CLSPN: variants seen among roughly 807,000 people sequenced by gnomAD.
CLSPN encodes the protein claspin.
Under a neutral mutation model 156.3 loss-of-function variants are expected in CLSPN, and 85 were observed. That is an observed-to-expected ratio of 0.54 (90% CI 0.46 to 0.65). The LOEUF is 0.65. Ranked by LOEUF, CLSPN falls within the 30% of genes least tolerant of loss-of-function variation. The pLI, the probability that CLSPN is intolerant of heterozygous loss-of-function variation, is 0.00. For missense variants in CLSPN, 1,407 were observed against 1,554.9 expected, an observed-to-expected ratio of 0.90 and a Z score of 1.60; for synonymous variants, 534 against 542.4, an observed-to-expected ratio of 0.98 and a Z score of 0.22.
At chr1:35,769,078 T>C (rs1222851937) in intron 1 of CLSPN, among the ~76,000 whole-genome samples, 2 of 152,286 alleles carry the variant, frequency 1.3e-5, no homozygotes, top group Non-Finnish European at 2.9e-5. Flanking sequence ...GATCTCGTCT[T>C]TGTTTAAACG....
At position 35,735,004 on chromosome 1, in the gene CLSPN, G is replaced by T; in HGVS notation, c.*1492C>A. 1 of 985,354 alleles carries T rather than the reference G, an allele frequency of 1.0e-6. No individual in the cohort carries two copies. Among genetic ancestry groups the T allele is most frequent in the Non-Finnish European group, 1.2e-6 (1 of 829,872 alleles). The allele number at this position is 985,354 out of a possible 1,614,324, so 61.0% of individuals were successfully genotyped here. On this transcript the variant is annotated 3_prime_UTR_variant, in exon 25 of 25. Coordinates refer to ENST00000318121, the MANE Select transcript of CLSPN (RefSeq NM_022111.4). ...AATATTTTTATTAAATTCCATGGTGGCCTTCTCTCAAAATTAGTAATGAAA... is the reference window on the plus strand; with the variant it reads ...AATATTTTTATTAAATTCCATGGTGTCCTTCTCTCAAAATTAGTAATGAAA...
chr1:35,745,554 T>TGGA lies in CLSPN; in HGVS notation c.2860_2862dup (p.Ser954dup), dbSNP rs1321652177. 11 of 1,608,526 alleles carry TGGA rather than the reference T, an allele frequency of 6.8e-6. No individual in the cohort carries two copies. The highest frequency in any genetic ancestry group is 4.5e-5 in the East Asian group (2 of 44,842). On this transcript the variant is annotated inframe_insertion, in exon 16 of 25. Transcript: ENST00000318121. ...TTATTTAACTCTGATGAGGCTGGAGTGGAGGCATCTACATCACAACAAGGA... is the reference window on the plus strand; with the variant it reads ...TTATTTAACTCTGATGAGGCTGGAGTGGAGGAGGCATCTACATCACAACAAGGA...
At position 35,768,770 on chromosome 1, in the gene CLSPN, G is replaced by A. The variant is rs935082783; in HGVS notation, c.24+1077C>T. Among the ~76,000 whole-genome samples, 9 of 152,236 alleles carry A rather than the reference G, an allele frequency of 5.9e-5. No homozygotes were observed. In the Middle Eastern group the frequency reaches 0.01, roughly 173 times the overall value. On this transcript the variant is annotated intron_variant, in intron 1 of 24. Transcript: ENST00000318121. The stretch of plus-strand genomic sequence containing the variant: ...ACTATTACTTCTGTTTGTGAGTGTG[G>A]AAACCGAATTTAGGTAACCAGACAG...
chr1:35,746,728 G>T lies in CLSPN; in HGVS notation c.2854+38C>A. On this transcript the variant is annotated intron_variant, in intron 15 of 24. Coordinates refer to ENST00000318121, the MANE Select transcript of CLSPN (RefSeq NM_022111.4). The surrounding 1 kb of genome is among the most constrained non-coding windows in gnomAD (Gnocchi z 4.2). ...ATTCTTTTCAAGGGCACTGATACTT[G>T]GGTGTGGTAAGCTTGATACTCTCGG... The T allele has an allele frequency of 1.5e-6, 2 of 1,378,282 alleles. No homozygotes were observed. The highest frequency in any genetic ancestry group is 2.1e-6 in the Non-Finnish European group (2 of 965,770). 85.4% of individuals were successfully genotyped at this position (1,378,282 alleles called of 1,614,324 possible).
intron 2 of CLSPN, 36 bp downstream of exon 2, chr1:35,765,181 GC>G (rs1557525819): frequency 7.6e-7 from 1 of 1,321,886 alleles, no homozygotes; most frequent in Admixed American, 1.7e-5. Flanking sequence ...TGAGGCTCCC[GC>G]AACCTATTCC....
chr1:35,748,820 C>CTTT lies in CLSPN; in HGVS notation c.2273-219_2273-217dup, dbSNP rs201350754. 2,005 of 292,426 alleles carry CTTT rather than the reference C, an allele frequency of 6.9e-3. 2 individuals are homozygous for CTTT. The highest frequency in any genetic ancestry group is 0.011 in the Middle Eastern group (8 of 758). The allele number at this position is 292,426 out of a possible 1,614,324, so 18.1% of individuals were successfully genotyped here. On this transcript the variant is annotated intron_variant, in intron 12 of 24. Transcript: ENST00000318121. ...CTGAGCTAAGTGACACTTGAAAGTT[C>CTTT]TTTTTTTTTTTTTTTTTTTTTTTTT...
At chr1:35,743,348 T>C in intron 17 of CLSPN, 107 bp from the exon 18 acceptor site, 1 of 1,385,358 alleles carries the variant, frequency 7.2e-7, no homozygotes, top group South Asian at 1.2e-5. Context: ...AAATTGTTTC[T>C]GATAAGATGC....
chr1:35,720,693 A>T, exon 25 of CLSPN: 1 of 360,444 alleles, frequency 2.8e-6, no homozygotes, highest in South Asian at 4.3e-5. Context: ...TGATCCACCC[A>T]CCTCGGCCTC....
intron 1 of CLSPN, 128 bp downstream of exon 1, chr1:35,769,719 C>G (rs1642801159): frequency 1.2e-6 from 1 of 849,846 alleles, no homozygotes; most frequent in African/African-American, 1.8e-5. Context: ...GGAGCCGGCG[C>G]GGCGAACGCC....
intron 2 of CLSPN, 37 bp from the exon 3 acceptor site, chr1:35,764,751 T>C: frequency 7.3e-7 from 1 of 1,367,350 alleles, no homozygotes; most frequent in Non-Finnish European, 9.9e-7. Flanking sequence ...ATACCATCAT[T>C]TGATCTTCCT....
At chr1:35,765,140 A>T in intron 2 of CLSPN, 78 bp downstream of exon 2, 5 of 840,434 alleles carry the variant, frequency 5.9e-6, no homozygotes, top group Non-Finnish European at 9.8e-6. Context: ...AAATCAAGAG[A>T]ATAATGAAAT....
chr1:35,726,179 C>T (rs1022194576), intron 24 of CLSPN, among the ~76,000 whole-genome samples: 16 of 36,942 alleles, frequency 4.3e-4, no homozygotes, highest in Non-Finnish European at 2.6e-4. Context: ...AAAAAAAGCG[C>T]ATAGCAAAAC....
intron 1 of CLSPN, among the ~76,000 whole-genome samples, chr1:35,765,994 CTTTTT>C (rs549426437): frequency 9.4e-6 from 1 of 106,484 alleles, no homozygotes; most frequent in African/African-American, 3.7e-5. Flanking sequence ...CTCTCTCTCT[CTTTTT>C]TTTTTTTTTT....
rs1641446889 is a variant in CLSPN, at chr1:35,735,779, T to A, written c.*717A>T. ...TACGTATCTCATGGGTGTAAAGGAGTCATTATGGTACTGATTTTCACTGTT... is the reference window on the plus strand; with the variant it reads ...TACGTATCTCATGGGTGTAAAGGAGACATTATGGTACTGATTTTCACTGTT... On this transcript the variant is annotated 3_prime_UTR_variant, in exon 25 of 25. Transcript: ENST00000318121. 20 of 984,428 alleles carry A rather than the reference T, an allele frequency of 2.0e-5. No homozygotes were observed. Among genetic ancestry groups the A allele is most frequent in the Non-Finnish European group, 2.4e-5 (20 of 829,774 alleles). The allele number at this position is 984,428 out of a possible 1,614,324, so 61.0% of individuals were successfully genotyped here.
rs995654590 is a variant in CLSPN, at chr1:35,746,726, T to C, written c.2854+40A>G. Reference sequence around the variant, plus strand: ...GAATTCTTTTCAAGGGCACTGATACTTGGGTGTGGTAAGCTTGATACTCTC... The same window carrying C: ...GAATTCTTTTCAAGGGCACTGATACCTGGGTGTGGTAAGCTTGATACTCTC... On this transcript the variant is annotated intron_variant, in intron 15 of 24. Coordinates refer to ENST00000318121, the MANE Select transcript of CLSPN (RefSeq NM_022111.4). The surrounding 1 kb of genome is among the most constrained non-coding windows in gnomAD (Gnocchi z 4.2). The C allele has an allele frequency of 5.8e-6, 8 of 1,373,422 alleles. No individual in the cohort carries two copies. Among genetic ancestry groups the C allele is most frequent in the Non-Finnish European group, 7.3e-6 (7 of 961,518 alleles). 85.1% of individuals were successfully genotyped at this position (1,373,422 alleles called of 1,614,324 possible).
At chr1:35,755,859 T>C (rs1056933653) in intron 8 of CLSPN, among the ~76,000 whole-genome samples, 1 of 152,154 alleles carries the variant, frequency 6.6e-6, no homozygotes, top group Non-Finnish European at 1.5e-5. Flanking sequence ...CAGGTGCATG[T>C]CACCACATCT....
At position 35,762,061 on chromosome 1, in the gene CLSPN, C is replaced by A; in HGVS notation, c.832G>T (p.Ala278Ser). The change falls in exon 6 of 25, where the codon GCA becomes TCA. Residue 278 changes from alanine (A) to serine (S), a missense_variant. By Grantham distance (99) the Ala-to-Ser change is moderately conservative (BLOSUM62 1). Transcript: ENST00000318121. ...AATGCTTCTTTACTTAATCTGGCTG[C>A]CTTTCTTTCCTTAAAGAAAACAAGA... ...SKGTTRKERKAARLSKEALKQ... is the reference protein window; with the variant it reads ...SKGTTRKERKSARLSKEALKQ... 3 of 1,609,652 alleles carry A rather than the reference C, an allele frequency of 1.9e-6. No individual in the cohort carries two copies. Among genetic ancestry groups the A allele is most frequent in the Non-Finnish European group, 2.6e-6 (3 of 1,176,322 alleles).
At chr1:35,742,505 G>A (rs1156808590) in intron 18 of CLSPN, among the ~76,000 whole-genome samples, 1 of 151,974 alleles carries the variant, frequency 6.6e-6, no homozygotes, top group African/African-American at 2.4e-5. Context: ...GGCACTACAG[G>A]CGCCCAGAAC....
chr1:35,769,622 C>G (rs1642796753), intron 1 of CLSPN, among the ~76,000 whole-genome samples: 1 of 152,216 alleles, frequency 6.6e-6, no homozygotes, highest in Admixed American at 6.5e-5. Context: ...CTGGAGCTCT[C>G]CGGCCACGGA....
Sources: allele counts gnomAD v4.1 joint callset (sites outside exome capture counted in the v4.1 genomes callset), GRCh38; gene constraint gnomAD v4.1.1; non-coding constraint Gnocchi (gnomAD v3.1); transcripts MANE v1.5; gene names NCBI Gene and HGNC (gene_info 2026-07-23, HGNC 2026-07-21).